Variants in RRP36 observed in about 807,000 individuals in gnomAD.
RRP36 encodes ribosomal RNA processing 36, also known as ribosomal RNA processing protein 36 homolog.
In RRP36, 44 loss-of-function variants were observed where a neutral mutation model predicts 39.8. The ratio of observed to expected loss-of-function variants is 1.10; its 90% CI spans 0.87 to 1.42. The LOEUF is 1.42. Among genes scored for constraint, RRP36 ranks in the 40% most tolerant of loss-of-function variants. RRP36 has a pLI of 0.00. For synonymous variants in RRP36, 124 were observed against 123.1 expected, an observed-to-expected ratio of 1.01 and a Z score of -0.05; for missense variants, 316 against 322.4, an observed-to-expected ratio of 0.98 and a Z score of 0.15.
Position 43,026,120 on chromosome 6 carries a change from C to T in RRP36, c.429C>T (p.Asp143=), listed in dbSNP as rs757228585. 16 of 1,613,248 alleles carry T rather than the reference C, an allele frequency of 9.9e-6. No individual in the cohort carries two copies. Among genetic ancestry groups the T allele is most frequent in the African/African-American group, 1.3e-5 (1 of 74,872 alleles). The stretch of plus-strand genomic sequence containing the variant: ...ACAAAACATACCAATTCTTGAATGA[C>T]ATCCGAGCGAAAGAGAAAGAGGTAT... ...VFDKTYQFLN[D]IRAKEKELVK... is the part of the protein sequence containing the mutation. The change falls in exon 4 of 7, where the codon GAC becomes GAT. Residue 143 remains aspartate, a synonymous_variant. Coordinates refer to ENST00000244496, the MANE Select transcript of RRP36 (RefSeq NM_033112.4).
At position 43,029,240 on chromosome 6, in the gene RRP36, C is replaced by T. The variant is rs770402396; in HGVS notation, c.*12C>T. On this transcript the variant is annotated 3_prime_UTR_variant, in exon 7 of 7. Coordinates refer to ENST00000244496, the MANE Select transcript of RRP36 (RefSeq NM_033112.4). Reference sequence around the variant, plus strand: ...TGAGCAAAGAGTAATAAGGAACTATCCTCTGCTCTGCCACTGCCCCAGGGA... The same window carrying T: ...TGAGCAAAGAGTAATAAGGAACTATTCTCTGCTCTGCCACTGCCCCAGGGA... 6.0e-5 allele frequency: 97 copies of T among 1,613,362 alleles called. No individual in the cohort carries two copies. Among genetic ancestry groups the T allele is most frequent in the Admixed American group, 2.2e-4 (13 of 59,974 alleles).
intron 1 of RRP36, among the ~76,000 whole-genome samples, chr6:43,023,400 AAAT>A (rs984523729): frequency 6.7e-6 from 1 of 149,704 alleles, no homozygotes; most frequent in African/African-American, 2.5e-5. Context: ...CCTTTTTTCA[AAAT>A]AAATAAAATT....
rs1165259637 is a variant in RRP36, at chr6:43,025,064, T to C, written c.210T>C (p.Ala70=). Residue 70 remains alanine, a synonymous_variant, in exon 2 of 7, where the codon GCT becomes GCC. Coordinates refer to ENST00000244496, the MANE Select transcript of RRP36 (RefSeq NM_033112.4). ...CTAAGACGTACAAACAATTGGTAGC[T>C]GGAAATAGTCCTAAGAAACAAGCTT... ...VGTKTYKQLV[A]GNSPKKQASR... 18 of 1,614,056 alleles carry C rather than the reference T, an allele frequency of 1.1e-5. No individual in the cohort carries two copies.
rs563158533 is a variant in RRP36, at chr6:43,029,334, C to T, written c.*106C>T. The T allele has an allele frequency of 1.0e-5, 14 of 1,337,782 alleles. No homozygotes were observed. Among genetic ancestry groups the T allele is most frequent in the African/African-American group, 8.7e-5 (6 of 68,754 alleles). The allele number at this position is 1,337,782 out of a possible 1,614,324, so 82.9% of individuals were successfully genotyped here. On this transcript the variant is annotated 3_prime_UTR_variant, in exon 7 of 7. Transcript: ENST00000244496. ...TTCAAGGGCAAGGATCACAGCTGCC[C>T]TTGAATCTCATTGCCTCAGAGAAGA...
intron 1 of RRP36, among the ~76,000 whole-genome samples, chr6:43,022,829 C>A (rs1402150849): frequency 6.6e-6 from 1 of 151,814 alleles, no homozygotes; most frequent in Non-Finnish European, 1.5e-5. Context: ...GATGGGGTTT[C>A]ACCGTGTTAG....
Position 43,021,664 on chromosome 6 carries a change from G to A in RRP36, c.10G>A (p.Ala4Thr), listed in dbSNP as rs982409640. ...GCGCTACTGCCAGCTGATGCCGGGA[G>A]CTAACTACCGCGCCGGGGCCGGGGC... is the stretch of plus-strand genomic sequence containing the variant. MPGANYRAGAGAGA... is the reference protein window; with the variant it reads MPGTNYRAGAGAGA... Residue 4 changes from alanine (A) to threonine (T), a missense_variant, in exon 1 of 7, where the codon GCT (alanine) becomes ACT (threonine). By Grantham distance (58) the Ala-to-Thr change is moderately conservative (BLOSUM62 0). Coordinates refer to ENST00000244496, the MANE Select transcript of RRP36 (RefSeq NM_033112.4). The A allele has an allele frequency of 7.9e-7, 1 of 1,270,334 alleles. No individual in the cohort carries two copies. The highest frequency in any genetic ancestry group is 9.9e-7 in the Non-Finnish European group (1 of 1,009,752). 78.7% of individuals were successfully genotyped at this position (1,270,334 alleles called of 1,614,324 possible). A position where few individuals can be genotyped will look rare whatever the true frequency, so the allele number is the denominator to read the frequency against.
At position 43,026,043 on chromosome 6, in the gene RRP36, C is replaced by T. The variant is rs367634568; in HGVS notation, c.352C>T (p.Arg118Trp). 17 of 1,611,786 alleles carry T rather than the reference C, an allele frequency of 1.1e-5. No homozygotes were observed. Among genetic ancestry groups the T allele is most frequent in the East Asian group, 6.7e-5 (3 of 44,844 alleles). ...CTCTCTCTTCTCTCCAAAGGTAGCCCGGGACCCTCGCTTTGATGATCTGTC... is the reference window on the plus strand; with the variant it reads ...CTCTCTCTTCTCTCCAAAGGTAGCCTGGGACCCTCGCTTTGATGATCTGTC... ...QVVPISKKVA[R>W]DPRFDDLSGE... Residue 118 changes from arginine (R) to tryptophan (W), a missense_variant, in exon 4 of 7, where the codon CGG becomes TGG. Physicochemically the swap from Arg to Trp is moderately radical, Grantham distance 101. Coordinates refer to ENST00000244496, the MANE Select transcript of RRP36 (RefSeq NM_033112.4).
chr6:43,028,356 A>AT (rs1762855411), intron 6 of RRP36, among the ~76,000 whole-genome samples: 1 of 151,562 alleles, frequency 6.6e-6, no homozygotes, highest in African/African-American at 2.4e-5. Context: ...AACAAAAAAA[A>AT]GTCACCAGTT....
intron 1 of RRP36, among the ~76,000 whole-genome samples, chr6:43,023,105 A>C (rs1382531035): frequency 6.6e-6 from 1 of 151,794 alleles, no homozygotes; most frequent in Non-Finnish European, 1.5e-5. Flanking sequence ...GTAGTCAAAC[A>C]CTCCTATCCT....
At chr6:43,024,399 A>C (rs1399797201) in intron 1 of RRP36, among the ~76,000 whole-genome samples, 1 of 152,170 alleles carries the variant, frequency 6.6e-6, no homozygotes, top group Non-Finnish European at 1.5e-5. Flanking sequence ...GGGGGCTTGC[A>C]GGCCATTATT....
intron 4 of RRP36, 195 bp from the exon 5 acceptor site, chr6:43,026,983 T>C (rs951640059): frequency 1.8e-5 from 9 of 496,714 alleles, no homozygotes; most frequent in South Asian, 4.7e-5. Context: ...GGGGAATTGC[T>C]TGAACCCAGG....
intron 1 of RRP36, among the ~76,000 whole-genome samples, chr6:43,022,509 G>A (rs1199441622): frequency 2.0e-5 from 3 of 152,030 alleles, no homozygotes; most frequent in African/African-American, 7.2e-5. Context: ...GAACTCCCGG[G>A]CCCAAGAGAT....
Position 43,027,245 on chromosome 6 carries a change from A to G in RRP36, c.518A>G (p.Gln173Arg). Residue 173 changes from glutamine to arginine, a missense_variant, in exon 5 of 7, where the codon CAG becomes CGG. Gln to Arg is a conservative substitution (Grantham distance 43). Coordinates refer to ENST00000244496, the MANE Select transcript of RRP36 (RefSeq NM_033112.4). ...CATGAGAAACTGCAGCAACTGCTTC[A>G]GCGAATGGTGAGTGGGTAATAATTG... is the stretch of plus-strand genomic sequence containing the variant. ...EEHEKLQQLLQRMEQQEMAQQ... is the reference protein window; with the variant it reads ...EEHEKLQQLLRRMEQQEMAQQ... 1 of 1,614,190 alleles carries G rather than the reference A, an allele frequency of 6.2e-7. No homozygotes were observed. Among genetic ancestry groups the G allele is most frequent in the South Asian group, 1.1e-5 (1 of 91,090 alleles).
At chr6:43,027,608 A>G (rs931377893) in intron 6 of RRP36, 131 bp downstream of exon 6, 7 of 740,542 alleles carry the variant, frequency 9.5e-6, no homozygotes, top group Non-Finnish European at 1.6e-5. Context: ...ACTTGGAGGA[A>G]AGTAGAAATA....
At chr6:43,027,619 G>C in intron 6 of RRP36, 142 bp downstream of exon 6, 2 of 700,102 alleles carry the variant, frequency 2.9e-6, no homozygotes, top group Non-Finnish European at 5.0e-6. Context: ...AGTAGAAATA[G>C]TAGGGAGTTG....
chr6:43,023,293 G>C (rs1186295703), intron 1 of RRP36, among the ~76,000 whole-genome samples: 1 of 152,180 alleles, frequency 6.6e-6, no homozygotes, highest in Non-Finnish European at 1.5e-5. Context: ...CAGCCACTGA[G>C]GAGGCTGAGG....
At chr6:43,027,565 T>G in intron 6 of RRP36, 88 bp downstream of exon 6, 1 of 1,057,746 alleles carries the variant, frequency 9.5e-7, no homozygotes, top group African/African-American at 1.6e-5. Flanking sequence ...CTGATCCCCT[T>G]TAAGGAAGGC....
intron 6 of RRP36, among the ~76,000 whole-genome samples, chr6:43,027,762 T>TACACACACACACACAC (rs57851236): frequency 1.2e-5 from 1 of 81,696 alleles, no homozygotes; most frequent in Non-Finnish European, 2.3e-5. Flanking sequence ...TGGTCTACAC[T>TACACACACACACACAC]ACACACACAC....
chr6:43,021,639 G>C lies in RRP36; in HGVS notation c.-16G>C. The C allele has an allele frequency of 1.6e-6, 2 of 1,285,238 alleles. No homozygotes were observed. Among genetic ancestry groups the C allele is most frequent in the African/African-American group, 3.0e-5 (2 of 66,048 alleles). 79.6% of individuals were successfully genotyped at this position (1,285,238 alleles called of 1,614,324 possible). On this transcript the variant is annotated 5_prime_UTR_variant, in exon 1 of 7. Coordinates refer to ENST00000244496, the MANE Select transcript of RRP36 (RefSeq NM_033112.4). ...GGAAGCGGCGCCATTCGTCTTCCGA[G>C]CGCTACTGCCAGCTGATGCCGGGAG...
Sources: gnomAD v4.1 joint callset for allele counts (sites outside exome capture counted in the v4.1 genomes callset) on GRCh38, gnomAD v4.1.1 for gene constraint, MANE v1.5 for transcripts, NCBI Gene and HGNC (gene_info 2026-07-23, HGNC 2026-07-21) for gene names.